SLCO6A1: variants seen among roughly 807,000 people sequenced by gnomAD.
SLCO6A1 encodes solute carrier organic anion transporter family member 6A1, also known as cancer/testis antigen 48.
A neutral mutation model predicts 72.7 loss-of-function variants in SLCO6A1; 65 were observed. That is an observed-to-expected ratio of 0.89 (90% CI 0.73 to 1.10). SLCO6A1 has a LOEUF of 1.10. SLCO6A1 is among the 50% of genes least tolerant of loss of function. The pLI is 0.00. For missense variants in SLCO6A1, 874 were observed against 872.6 expected (o/e 1.00, Z -0.02); for synonymous variants, 314 against 298.2 (o/e 1.05, Z -0.55).
intron 4 of SLCO6A1, among the ~76,000 whole-genome samples, chr5:102,472,466 A>T (rs1751676956): frequency 6.6e-6 from 1 of 152,054 alleles, no homozygotes; most frequent in Non-Finnish European, 1.5e-5. Flanking sequence ...TATTTTCTTA[A>T]AGTGGTAGGT....
chr5:102,447,668 C>T (rs951391900), intron 6 of SLCO6A1, among the ~76,000 whole-genome samples: 3 of 152,058 alleles, frequency 2.0e-5, no homozygotes, highest in Admixed American at 6.6e-5. Flanking sequence ...CATAGTGGTG[C>T]TTGTAATAGT....
At position 102,490,660 on chromosome 5, in the gene SLCO6A1, G is replaced by A. The variant is rs1417674895; in HGVS notation, c.358+7827C>T. The stretch of plus-strand genomic sequence containing the variant: ...TGTTCCGAGTTTCTTCCTTCTGGTG[G>A]GTTCGTGGTCTCCCTGGCTCAGGAG... On this transcript the variant is annotated intron_variant, in intron 1 of 13. Transcript: ENST00000506729. 9.2e-5 allele frequency among the ~76,000 whole-genome samples: 14 copies of A among 152,150 alleles called. 1 individual carries two copies. The highest frequency in any genetic ancestry group is 9.2e-4 in the Admixed American group (14 of 15,284).
chr5:102,377,780 T>C (rs950157553), intron 12 of SLCO6A1, among the ~76,000 whole-genome samples: 12 of 151,896 alleles, frequency 7.9e-5, no homozygotes, highest in African/African-American at 2.9e-4. Context: ...CAAGTGAGTC[T>C]CTTACCTCAG....
intron 1 of SLCO6A1, among the ~76,000 whole-genome samples, chr5:102,485,533 G>A (rs1055567551): frequency 3.9e-5 from 6 of 152,126 alleles, no homozygotes; most frequent in African/African-American, 1.2e-4. Flanking sequence ...CAGAGGTTTT[G>A]CATGCCTACA....
At chr5:102,405,343 C>T (rs1208409849) in intron 9 of SLCO6A1, among the ~76,000 whole-genome samples, 1 of 151,006 alleles carries the variant, frequency 6.6e-6, no homozygotes. Flanking sequence ...CAGTGAATTC[C>T]AAACAGGATA....
intron 3 of SLCO6A1, among the ~76,000 whole-genome samples, chr5:102,477,180 G>GGTAC (rs1751943675): frequency 6.6e-6 from 1 of 152,082 alleles, no homozygotes; most frequent in African/African-American, 2.4e-5. Flanking sequence ...AGGCAGCAAT[G>GGTAC]GTACGATCTT....
chr5:102,435,752 A>G (rs900523027), intron 7 of SLCO6A1, among the ~76,000 whole-genome samples: 2 of 151,914 alleles, frequency 1.3e-5, no homozygotes, highest in African/African-American at 4.8e-5. Context: ...GTGCATGCCT[A>G]TAATCCCAGC....
chr5:102,379,544 G>A (rs941910793), intron 12 of SLCO6A1, among the ~76,000 whole-genome samples: 3 of 151,966 alleles, frequency 2.0e-5, no homozygotes, highest in East Asian at 1.9e-4. Flanking sequence ...CCCCTTCATC[G>A]TAAATTAGTT....
intron 11 of SLCO6A1, among the ~76,000 whole-genome samples, chr5:102,389,711 A>T (rs1225009024): frequency 1.3e-5 from 2 of 151,786 alleles, no homozygotes; most frequent in African/African-American, 4.8e-5. Flanking sequence ...TCCATCATAC[A>T]TCTTTGTAAC....
At chr5:102,466,324 G>A (rs1751309817) in intron 4 of SLCO6A1, among the ~76,000 whole-genome samples, 1 of 151,896 alleles carries the variant, frequency 6.6e-6, no homozygotes, top group Admixed American at 6.6e-5. Flanking sequence ...ATGGCCTCCG[G>A]CTCCATTCAT....
intron 12 of SLCO6A1, among the ~76,000 whole-genome samples, chr5:102,378,504 C>G (rs1745927805): frequency 6.6e-6 from 1 of 152,054 alleles, no homozygotes; most frequent in African/African-American, 2.4e-5. Context: ...TTGTTAGCAC[C>G]CTGGCAACCC....
chr5:102,398,587 G>A (rs752401862), intron 10 of SLCO6A1, among the ~76,000 whole-genome samples: 1 of 152,008 alleles, frequency 6.6e-6, no homozygotes, highest in Admixed American at 6.6e-5. Flanking sequence ...GATCACTTTC[G>A]CTCTTGAGGT....
At chr5:102,490,554 T>A (rs1448363785) in intron 1 of SLCO6A1, among the ~76,000 whole-genome samples, 3 of 152,194 alleles carry the variant, frequency 2.0e-5, no homozygotes, top group African/African-American at 7.2e-5. Context: ...ACTACAAGAA[T>A]GAAACCGCGG....
At chr5:102,409,194 T>C (rs1374273749) in intron 9 of SLCO6A1, among the ~76,000 whole-genome samples, 1 of 152,150 alleles carries the variant, frequency 6.6e-6, no homozygotes, top group Non-Finnish European at 1.5e-5. Context: ...AGATATCTAT[T>C]TTCAGTTTTA....
intron 7 of SLCO6A1, among the ~76,000 whole-genome samples, chr5:102,430,725 A>G (rs1209209389): frequency 6.6e-6 from 1 of 152,034 alleles, no homozygotes; most frequent in African/African-American, 2.4e-5. Flanking sequence ...TTTTGCATGT[A>G]TGTCCATCAA....
chr5:102,464,094 C>T (rs1024270394), intron 4 of SLCO6A1, among the ~76,000 whole-genome samples: 8 of 151,810 alleles, frequency 5.3e-5, no homozygotes, highest in African/African-American at 1.9e-4. Flanking sequence ...GTACAGTGTA[C>T]ACTTCTCAGG....
chr5:102,440,534 T>C (rs1749778939), intron 6 of SLCO6A1, among the ~76,000 whole-genome samples: 1 of 151,988 alleles, frequency 6.6e-6, no homozygotes, highest in Non-Finnish European at 1.5e-5. Context: ...GTAATAATAA[T>C]AGAAATAAAG....
chr5:102,459,425 A>G (rs1750906630), intron 5 of SLCO6A1, among the ~76,000 whole-genome samples: 2 of 152,128 alleles, frequency 1.3e-5, no homozygotes, highest in South Asian at 4.1e-4. Flanking sequence ...TCTCAAAACT[A>G]AATACAAAGA....
intron 4 of SLCO6A1, among the ~76,000 whole-genome samples, chr5:102,462,267 C>T (rs1751076577): frequency 6.6e-6 from 1 of 152,168 alleles, no homozygotes; most frequent in Admixed American, 6.5e-5. Context: ...ACATTCCATG[C>T]TCATGGATGG....
Sources: gnomAD v4.1 joint callset for allele counts (sites outside exome capture counted in the v4.1 genomes callset) on GRCh38, gnomAD v4.1.1 for gene constraint, MANE v1.5 for transcripts, NCBI Gene and HGNC (gene_info 2026-07-23, HGNC 2026-07-21) for gene names.